Variants in WWOX observed in about 807,000 individuals in gnomAD.
WWOX encodes WW domain-containing oxidoreductase.
WWOX carries 69 observed loss-of-function variants against 46.2 expected under a neutral mutation model. That is an observed-to-expected ratio of 1.49 (90% CI 1.23 to 1.82). The LOEUF is 1.82. Ranked by LOEUF, WWOX falls within the 40% of genes most tolerant of loss-of-function variation. The pLI is 0.00. For synonymous variants in WWOX, 359 were observed against 202.6 expected (o/e 1.77, Z -6.56); for missense variants, 919 against 542.6 (o/e 1.69, Z -6.89).
chr16:78,878,431 G>A (rs2044276310), intron 8 of WWOX, among the ~76,000 whole-genome samples: 2 of 152,128 alleles, frequency 1.3e-5, no homozygotes, highest in Admixed American at 6.5e-5. Context: ...TTATTCTTCA[G>A]CTAAATGAGG....
chr16:78,105,780 T>A (rs1319322609), intron 1 of WWOX, among the ~76,000 whole-genome samples: 1 of 152,140 alleles, frequency 6.6e-6, no homozygotes, highest in Non-Finnish European at 1.5e-5. Flanking sequence ...CAGCTTCCAC[T>A]GTTAAGGGTC....
chr16:79,073,181 T>C (rs1224009362), intron 8 of WWOX, among the ~76,000 whole-genome samples: 1 of 147,096 alleles, frequency 6.8e-6, no homozygotes, highest in African/African-American at 2.5e-5. Context: ...ATTATTATTA[T>C]TATTATTATT....
intron 8 of WWOX, among the ~76,000 whole-genome samples, chr16:78,645,158 T>G (rs1198727890): frequency 6.6e-6 from 1 of 152,158 alleles, no homozygotes; most frequent in African/African-American, 2.4e-5. Context: ...GTCAAGCTCT[T>G]TCCTATCGAA....
chr16:78,649,124 C>A (rs192922380), intron 8 of WWOX, among the ~76,000 whole-genome samples: 52 of 152,234 alleles, frequency 3.4e-4, no homozygotes, highest in African/African-American at 1.2e-3. Context: ...CAGGCGCCCA[C>A]CACCAAGCCC....
chr16:79,211,656 G>T lies in WWOX; in HGVS notation c.1105G>T (p.Glu369Ter). ...GTACTGTGCTGCTGTCCCAGAACTG[G>T]AGGGTCTGGGAGGGATGTACTTCAA... ...TVYCAAVPEL[E>*]GLGGMYFNNC... Residue 369 changes from glutamate to a stop codon, truncating the protein, a stop_gained, in exon 9 of 9, where the codon GAG becomes TAG. Coordinates refer to ENST00000566780, the MANE Select transcript of WWOX (RefSeq NM_016373.4). LOFTEE classifies it high-confidence loss of function. 2 of 1,614,194 alleles carry T rather than the reference G, an allele frequency of 1.2e-6. No individual in the cohort carries two copies. The highest frequency in any genetic ancestry group is 1.7e-6 in the Non-Finnish European group (2 of 1,180,032).
intron 5 of WWOX, among the ~76,000 whole-genome samples, chr16:78,188,532 A>G (rs2035782804): frequency 6.6e-6 from 1 of 152,138 alleles, no homozygotes; most frequent in African/African-American, 2.4e-5. Context: ...TCAGTTGGGA[A>G]AAAATAAAGT....
chr16:79,018,581 AG>A (rs1291311541), intron 8 of WWOX, among the ~76,000 whole-genome samples: 1 of 152,164 alleles, frequency 6.6e-6, no homozygotes, highest in Non-Finnish European at 1.5e-5. Context: ...CCAATTAAAT[AG>A]ATAATTGTCA....
At chr16:78,553,065 G>C (rs1051921886) in intron 8 of WWOX, 2 of 152,246 alleles carry the variant, frequency 1.3e-5, no homozygotes, top group African/African-American at 4.8e-5. Context: ...TTGTAAGTGG[G>C]AGCTGAACAA....
intron 8 of WWOX, among the ~76,000 whole-genome samples, chr16:79,194,780 T>C (rs147076729): frequency 3.9e-4 from 59 of 152,272 alleles, no homozygotes; most frequent in East Asian, 9.7e-4. Context: ...AAATAATTTT[T>C]CCCCGTATTA....
chr16:78,328,367 A>G (rs1439942946), intron 5 of WWOX, among the ~76,000 whole-genome samples: 1 of 152,204 alleles, frequency 6.6e-6, no homozygotes, highest in Non-Finnish European at 1.5e-5. Flanking sequence ...CATATGATTG[A>G]TGTAAGTCGT....
chr16:79,041,906 G>A (rs1176193196), intron 8 of WWOX, among the ~76,000 whole-genome samples: 3 of 151,964 alleles, frequency 2.0e-5, no homozygotes, highest in South Asian at 2.1e-4. Context: ...GGAGGAGCCC[G>A]GGAACTGCTT....
At chr16:78,411,199 C>T (rs114853395) in intron 6 of WWOX, among the ~76,000 whole-genome samples, 328 of 152,238 alleles carry the variant, frequency 2.2e-3, no homozygotes, top group African/African-American at 7.4e-3. Context: ...GTATGAAAAC[C>T]AGGAAGCAGG....
At chr16:78,540,144 A>T (rs368347992) in intron 8 of WWOX, among the ~76,000 whole-genome samples, 16 of 151,964 alleles carry the variant, frequency 1.1e-4, no homozygotes, top group Non-Finnish European at 1.8e-4. Context: ...TCTGCCTGAG[A>T]GAGTGATATA....
chr16:78,109,545 A>G (rs1665951672), intron 2 of WWOX, among the ~76,000 whole-genome samples: 1 of 152,216 alleles, frequency 6.6e-6, no homozygotes, highest in African/African-American at 2.4e-5. Context: ...GCGATCAGGA[A>G]TAAAATAGGT....
intron 8 of WWOX, among the ~76,000 whole-genome samples, chr16:78,747,263 C>G (rs1402067670): frequency 6.7e-6 from 1 of 149,374 alleles, no homozygotes; most frequent in Non-Finnish European, 1.5e-5. Flanking sequence ...ACGATCTCGG[C>G]TCATTGCAAC....
At chr16:78,230,555 C>T (rs1259430212) in intron 5 of WWOX, among the ~76,000 whole-genome samples, 1 of 152,200 alleles carries the variant, frequency 6.6e-6, no homozygotes, top group Non-Finnish European at 1.5e-5. Context: ...TAGGCGTCTT[C>T]AAGTTAACTT....
At chr16:78,390,428 C>T (rs2082153573) in intron 6 of WWOX, among the ~76,000 whole-genome samples, 2 of 152,188 alleles carry the variant, frequency 1.3e-5, no homozygotes, top group Admixed American at 1.3e-4. Flanking sequence ...GATTTTAGCA[C>T]AGGACTTTGG....
intron 8 of WWOX, among the ~76,000 whole-genome samples, chr16:79,048,835 C>A (rs974309564): frequency 3.9e-5 from 6 of 152,118 alleles, no homozygotes; most frequent in Admixed American, 3.9e-4. Flanking sequence ...ATTGTAGCTG[C>A]CCTGATGTTC....
At chr16:78,712,153 A>G (rs2048457492) in intron 8 of WWOX, among the ~76,000 whole-genome samples, 3 of 152,154 alleles carry the variant, frequency 2.0e-5, no homozygotes, top group African/African-American at 4.8e-5. Context: ...TGTTCAATTG[A>G]CTTCGAAATG....
Sources: allele counts gnomAD v4.1 joint callset (sites outside exome capture counted in the v4.1 genomes callset), GRCh38; gene constraint gnomAD v4.1.1; transcripts MANE v1.5; gene names NCBI Gene and HGNC (gene_info 2026-07-23, HGNC 2026-07-21).